The following ABLIM1 variants were observed in gnomAD, a reference collection of about 807,000 sequenced individuals.
ABLIM1 encodes actin-binding LIM protein 1.
ABLIM1 carries 40 observed loss-of-function variants against 107.0 expected under a neutral mutation model. That is an observed-to-expected ratio of 0.37 (90% CI 0.29 to 0.49). The LOEUF (loss-of-function observed/expected upper bound fraction) is 0.49. ABLIM1 is among the 20% of genes least tolerant of loss of function. The pLI, the probability that ABLIM1 is intolerant of heterozygous loss-of-function variation, is 0.97. For synonymous variants in ABLIM1, 357 were observed against 357.3 expected (o/e 1.00, Z 0.01); for missense variants, 857 against 1,008.5 (o/e 0.85, Z 2.04).
At chr10:114,616,298 G>A (rs1001749093) in intron 1 of ABLIM1, among the ~76,000 whole-genome samples, 1 of 152,234 alleles carries the variant, frequency 6.6e-6, no homozygotes, top group African/African-American at 2.4e-5. Context: ...AGAGCAGGTG[G>A]GCAGCTTCCT....
intron 8 of ABLIM1, among the ~76,000 whole-genome samples, chr10:114,479,207 T>C (rs771769488): frequency 1.3e-5 from 2 of 152,202 alleles, no homozygotes; most frequent in Non-Finnish European, 2.9e-5. Context: ...TCCAAGCACC[T>C]TACTGGGCAC....
At chr10:114,665,096 G>A (rs2079968634) in intron 1 of ABLIM1, among the ~76,000 whole-genome samples, 1 of 140,482 alleles carries the variant, frequency 7.1e-6, no homozygotes, top group Non-Finnish European at 1.5e-5. Context: ...CGGCCTCGGC[G>A]AAAGAGCGAG....
At chr10:114,567,647 C>T (rs955786985) in intron 4 of ABLIM1, among the ~76,000 whole-genome samples, 1 of 152,176 alleles carries the variant, frequency 6.6e-6, no homozygotes, top group African/African-American at 2.4e-5. Context: ...TCAATAAGGT[C>T]AGAGACTCTT....
intron 1 of ABLIM1, among the ~76,000 whole-genome samples, chr10:114,752,748 T>C (rs1419724332): frequency 6.6e-6 from 1 of 152,222 alleles, no homozygotes; most frequent in Non-Finnish European, 1.5e-5. Context: ...GCTCCATCCA[T>C]GTCCCTGAAA....
the ABLIM1 span, among the ~76,000 whole-genome samples, chr10:114,792,232 G>C: frequency 6.6e-6 from 1 of 152,102 alleles, no homozygotes; most frequent in African/African-American, 2.4e-5. Context: ...GAGGTGGGAG[G>C]ATGGCTTGAG....
At chr10:114,482,596 G>A (rs188916062) in intron 8 of ABLIM1, among the ~76,000 whole-genome samples, 10 of 152,328 alleles carry the variant, frequency 6.6e-5, no homozygotes, top group Admixed American at 5.2e-4. Context: ...GCCAACGGGT[G>A]AAGGGAGACC....
At chr10:114,786,994 C>T in the ABLIM1 span, among the ~76,000 whole-genome samples, 15 of 151,000 alleles carry the variant, frequency 9.9e-5, no homozygotes, top group African/African-American at 3.7e-4. Flanking sequence ...CCTGGCTGCC[C>T]AGTCTGGAAA....
At chr10:114,710,696 G>T (rs2081530224) in intron 1 of ABLIM1, among the ~76,000 whole-genome samples, 1 of 152,168 alleles carries the variant, frequency 6.6e-6, no homozygotes, top group African/African-American at 2.4e-5. Flanking sequence ...TGGGAGGATT[G>T]CTTGAGCACA....
At chr10:114,563,154 A>G (rs1206388632) in intron 4 of ABLIM1, among the ~76,000 whole-genome samples, 1 of 152,282 alleles carries the variant, frequency 6.6e-6, no homozygotes, top group East Asian at 1.9e-4. Context: ...TGTAGCACTT[A>G]GAGCGATATT....
rs1237168851 is a variant in ABLIM1 at position 114,445,232 on chromosome 10, TATAC to T, written c.1827+76_1827+79del. The T allele has an allele frequency of 9.1e-6, 12 of 1,313,078 alleles. No individual in the cohort carries two copies. The African/African-American group carries it at 1.3e-4, about 14-fold the overall frequency. The allele number at this position is 1,313,078 out of a possible 1,614,324, so 81.3% of individuals were successfully genotyped here. ...CCACCTCTTGCCTATCTAGATGGTT[TATAC>T]ATAGTAGTCATTCAAAAAATATAGA... is the stretch of plus-strand genomic sequence containing the variant. On this transcript the variant is annotated intron_variant, in intron 16 of 22. Coordinates refer to ENST00000533213, the MANE Select transcript of ABLIM1 (RefSeq NM_002313.7).
At chr10:114,676,279 G>T (rs2420061) in intron 1 of ABLIM1, among the ~76,000 whole-genome samples, 2 of 152,106 alleles carry the variant, frequency 1.3e-5, no homozygotes, top group African/African-American at 4.8e-5. Flanking sequence ...TAGATTGAGA[G>T]CAGCCTGGCC....
intron 1 of ABLIM1, among the ~76,000 whole-genome samples, chr10:114,718,469 TC>T (rs2081758969): frequency 6.6e-6 from 1 of 152,178 alleles, no homozygotes; most frequent in African/African-American, 2.4e-5. Flanking sequence ...ATTTTCCTTC[TC>T]CAAAAACTAT....
chr10:114,662,713 T>C (rs539893852), upstream of ABLIM1, among the ~76,000 whole-genome samples: 18 of 152,312 alleles, frequency 1.2e-4, 1 homozygote, highest in South Asian at 3.7e-3. Flanking sequence ...AAACACCCTC[T>C]TCCATATCTT....
intron 6 of ABLIM1, among the ~76,000 whole-genome samples, chr10:114,531,071 G>A (rs1333485469): frequency 6.6e-6 from 1 of 152,174 alleles, no homozygotes; most frequent in African/African-American, 2.4e-5. Context: ...AAAGTTAAGC[G>A]ATTTAAGAAA....
At chr10:114,634,593 A>T (rs963384304) in intron 1 of ABLIM1, among the ~76,000 whole-genome samples, 6 of 152,226 alleles carry the variant, frequency 3.9e-5, no homozygotes, top group Admixed American at 1.3e-4. Context: ...TTGGAGACTA[A>T]GTTGGCAGAG....
At chr10:114,764,173 T>C (rs2082823790) in intron 1 of ABLIM1, among the ~76,000 whole-genome samples, 1 of 152,208 alleles carries the variant, frequency 6.6e-6, no homozygotes, top group Admixed American at 6.5e-5. Context: ...TGGTCTCTAG[T>C]GGAAAAATAC....
At chr10:114,548,868 G>T (rs1011587912) in intron 4 of ABLIM1, among the ~76,000 whole-genome samples, 6 of 152,198 alleles carry the variant, frequency 3.9e-5, no homozygotes, top group Non-Finnish European at 8.8e-5. Context: ...TAGTGGCCAG[G>T]TTTGGACCAA....
rs2072527050 is a variant in ABLIM1 at position 114,576,257 on chromosome 10, G to A, written c.380-658C>T. Among the ~76,000 whole-genome samples, 2 of 152,326 alleles carry A rather than the reference G, an allele frequency of 1.3e-5. 1 individual carries two copies. The highest frequency in any genetic ancestry group is 4.1e-4 in the South Asian group (2 of 4,824). ...TCCGACTGTGCAGCTGTGGATTAGG[G>A]AGATGGTGCAAACAGGCAGTGGGAG... On this transcript the variant is annotated intron_variant, in intron 2 of 22. Coordinates refer to ENST00000533213, the MANE Select transcript of ABLIM1 (RefSeq NM_002313.7).
chr10:114,657,384 G>A (rs17719647), intron 1 of ABLIM1, among the ~76,000 whole-genome samples: 10,795 of 152,248 alleles, frequency 0.071, 466 homozygotes, highest in South Asian at 0.13. Context: ...TATCCTCAGA[G>A]TGGGCCTTCT....
Sources: gnomAD v4.1 joint callset for allele counts (sites outside exome capture counted in the v4.1 genomes callset) on GRCh38, gnomAD v4.1.1 for gene constraint, MANE v1.5 for transcripts, NCBI Gene and HGNC (gene_info 2026-07-23, HGNC 2026-07-21) for gene names.